The following COX10 variants were observed in gnomAD, a reference collection of about 807,000 sequenced individuals.
The protein encoded by COX10 is cytochrome c oxidase assembly factor heme A:farnesyltransferase COX10, also known as protoheme IX farnesyltransferase, mitochondrial.
COX10 carries 27 observed loss-of-function variants against 37.3 expected under a neutral mutation model. The observed-to-expected ratio is 0.72, with a 90% CI of 0.53 to 1.00. The LOEUF is 1.00. Ranked by LOEUF, COX10 falls within the 50% of genes least tolerant of loss-of-function variation. The pLI is 0.00. For missense variants in COX10, 475 were observed against 563.2 expected (o/e 0.84, Z 1.59); for synonymous variants, 222 against 229.1 (o/e 0.97, Z 0.28).
Position 14,172,218 on chromosome 17 carries a change from C to T in COX10, c.695+12271C>T, listed in dbSNP as rs1348931195. On this transcript the variant is annotated intron_variant, in intron 5 of 6. Coordinates refer to ENST00000261643, the MANE Select transcript of COX10 (RefSeq NM_001303.4). ...CTGTGATGAAAAGTACTATAATAAA[C>T]ATGAGTACAGGTATCTTTTTGATTA... Among the ~76,000 whole-genome samples the T allele has an allele frequency of 3.3e-5, 5 of 152,164 alleles. No individual in the cohort carries two copies. The East Asian group carries it at 9.6e-4, about 29-fold the overall frequency.
intron 4 of COX10, among the ~76,000 whole-genome samples, chr17:14,142,560 A>G (rs1382296658): frequency 6.6e-6 from 1 of 152,184 alleles, no homozygotes; most frequent in Non-Finnish European, 1.5e-5. Context: ...CCTTTATGCC[A>G]TTTTTAACTA....
intron 4 of COX10, among the ~76,000 whole-genome samples, chr17:14,147,022 G>A (rs1439532759): frequency 6.6e-6 from 1 of 152,072 alleles, no homozygotes; most frequent in East Asian, 1.9e-4. Context: ...TGGAGAAAAG[G>A]GAATCCTCGT....
intron 4 of COX10, among the ~76,000 whole-genome samples, chr17:14,108,665 C>T (rs1221675291): frequency 5.3e-5 from 2 of 38,052 alleles, no homozygotes; most frequent in African/African-American, 2.0e-4. Flanking sequence ...ACATTCATGG[C>T]TGAAATAAGG....
chr17:14,144,836 A>C (rs1904662155), intron 4 of COX10, among the ~76,000 whole-genome samples: 1 of 151,870 alleles, frequency 6.6e-6, no homozygotes, highest in Admixed American at 6.6e-5. Context: ...CCCAAATGCT[A>C]ACCTTGTGCT....
intron 3 of COX10, among the ~76,000 whole-genome samples, chr17:14,097,783 T>C (rs1349687493): frequency 6.6e-6 from 1 of 152,180 alleles, no homozygotes; most frequent in African/African-American, 2.4e-5. Context: ...TAAAAAAATT[T>C]GTTAAGCACA....
chr17:14,090,139 A>C (rs1915493693), intron 3 of COX10, among the ~76,000 whole-genome samples: 1 of 151,784 alleles, frequency 6.6e-6, no homozygotes, highest in Admixed American at 6.6e-5. Flanking sequence ...CCCTCTATCT[A>C]CTATGTGGAG....
chr17:14,139,150 A>G (rs553718844), intron 4 of COX10, among the ~76,000 whole-genome samples: 36 of 152,258 alleles, frequency 2.4e-4, no homozygotes, highest in African/African-American at 8.7e-4. Flanking sequence ...ATGGTAGTAA[A>G]TTGTTCTTGA....
rs553034656 is a variant in COX10, at chr17:14,071,039, T to C, written c.43+1391T>C. On this transcript the variant is annotated intron_variant, in intron 1 of 6. Transcript: ENST00000261643. Reference sequence around the variant, plus strand: ...AGTTGTTGTTTGTTGTTTTTTAAAGTCCTGTGATTCTTTTTTGAATCACTT... The same window carrying C: ...AGTTGTTGTTTGTTGTTTTTTAAAGCCCTGTGATTCTTTTTTGAATCACTT... 1.2e-4 allele frequency among the ~76,000 whole-genome samples: 18 copies of C among 152,330 alleles called. No homozygotes were observed. In the South Asian group the frequency reaches 3.7e-3, roughly 32 times the overall value.
At chr17:14,172,549 C>G (rs1323344128) in intron 5 of COX10, among the ~76,000 whole-genome samples, 2 of 147,480 alleles carry the variant, frequency 1.4e-5, no homozygotes, top group Non-Finnish European at 3.0e-5. Flanking sequence ...TACCTTTTGG[C>G]TATTCGTATG....
intron 4 of COX10, among the ~76,000 whole-genome samples, chr17:14,130,580 C>T (rs1048537422): frequency 6.6e-6 from 1 of 152,048 alleles, no homozygotes. Flanking sequence ...GTACCATCTA[C>T]CCTTATAGGA....
chr17:14,206,459 G>A (rs1906702129), intron 6 of COX10, among the ~76,000 whole-genome samples: 1 of 152,078 alleles, frequency 6.6e-6, no homozygotes, highest in Non-Finnish European at 1.5e-5. Context: ...CACAATGTGG[G>A]GAGGTGTGAG....
chr17:14,181,631 A>T (rs1167079287), intron 5 of COX10, among the ~76,000 whole-genome samples: 1 of 152,252 alleles, frequency 6.6e-6, no homozygotes, highest in Non-Finnish European at 1.5e-5. Context: ...TAAATTAAAA[A>T]TAAGGAGGCA....
rs955858991 is a variant in COX10, at chr17:14,120,642, T to G, written c.624+18400T>G. ...CCATAGGCCCACAGTGAGACAGAATTCCAGCAGATGTCATGCAAATGGGAT... is the reference window on the plus strand; with the variant it reads ...CCATAGGCCCACAGTGAGACAGAATGCCAGCAGATGTCATGCAAATGGGAT... On this transcript the variant is annotated intron_variant, in intron 4 of 6. Transcript: ENST00000261643. Among the ~76,000 whole-genome samples the G allele has an allele frequency of 3.3e-5, 5 of 152,222 alleles. No homozygotes were observed. In the Middle Eastern group the frequency reaches 0.01, roughly 311 times the overall value.
At chr17:14,142,717 T>C (rs1904583872) in intron 4 of COX10, among the ~76,000 whole-genome samples, 2 of 152,228 alleles carry the variant, frequency 1.3e-5, no homozygotes, top group Admixed American at 1.3e-4. Context: ...CCCAGTTTGC[T>C]ATTAAAAAGA....
chr17:14,141,452 T>C (rs1904539842), intron 4 of COX10, among the ~76,000 whole-genome samples: 1 of 139,906 alleles, frequency 7.1e-6, no homozygotes, highest in South Asian at 2.3e-4. Flanking sequence ...TGGCATAGAG[T>C]CCAGGAGGCA....
At chr17:14,088,428 T>A (rs116069995) in intron 3 of COX10, among the ~76,000 whole-genome samples, 1,528 of 149,692 alleles carry the variant, frequency 0.01, 24 homozygotes, top group African/African-American at 0.035. Context: ...TAGCCAAAGT[T>A]CCAATTTAGA....
chr17:14,140,850 G>A (rs751855536), intron 4 of COX10, among the ~76,000 whole-genome samples: 6 of 152,054 alleles, frequency 3.9e-5, no homozygotes, highest in Non-Finnish European at 7.4e-5. Flanking sequence ...ATCTTGACTT[G>A]TGGTAATCTT....
chr17:14,072,406 A>G (rs1180156525), intron 1 of COX10, among the ~76,000 whole-genome samples: 1 of 152,128 alleles, frequency 6.6e-6, no homozygotes, highest in Non-Finnish European at 1.5e-5. Flanking sequence ...TTTTTAGTAG[A>G]GACGGGGTTT....
rs757204220 is a variant in COX10 at position 14,206,945 on chromosome 17, G to A, written c.1064G>A (p.Arg355His). 3.0e-5 allele frequency: 48 copies of A among 1,613,616 alleles called. No individual in the cohort carries two copies. The Admixed American group carries it at 3.2e-4, about 11-fold the overall frequency. The part of the protein sequence containing the change: ...MSVTHPGLCR[R>H]VALRHCLALL... ...GTCACCCACCCGGGCCTGTGCCGGC[G>A]CGTGGCGCTGCGCCACTGCCTGGCC... Residue 355 changes from arginine to histidine, a missense_variant, in exon 7 of 7, where the codon CGC becomes CAC. Arg to His is a conservative substitution (Grantham distance 29). Around this residue, in one of 5 missense-constraint regions of COX10, gnomAD observed 160 missense variants for 180.6 expected, o/e 0.89. Coordinates refer to ENST00000261643, the MANE Select transcript of COX10 (RefSeq NM_001303.4).
Sources: gnomAD v4.1 joint callset for allele counts (sites outside exome capture counted in the v4.1 genomes callset) on GRCh38, gnomAD v4.1.1 for gene constraint, gnomAD v4.1.1 regional missense constraint, MANE v1.5 for transcripts, NCBI Gene and HGNC (gene_info 2026-07-23, HGNC 2026-07-21) for gene names.